COLQ: variants seen among roughly 807,000 people sequenced by gnomAD.
COLQ encodes the protein collagen like tail subunit of asymmetric acetylcholinesterase.
Under a neutral mutation model 69.0 loss-of-function variants are expected in COLQ, and 48 were observed. That is an observed-to-expected ratio of 0.70 (90% confidence interval 0.55 to 0.88). The LOEUF (loss-of-function observed/expected upper bound fraction) is 0.88, where lower values mean the gene tolerates loss of function less well. Ranked by LOEUF, COLQ falls within the 40% of genes least tolerant of loss-of-function variation. The probability of loss-of-function intolerance (pLI) is 0.00; values close to 1 mark genes in which losing one functional copy is unlikely to be tolerated. For missense variants in COLQ, 618 were observed against 594.6 expected (o/e 1.04, Z -0.41); for synonymous variants, 217 against 211.2 (o/e 1.03, Z -0.24).
At chr3:15,500,922 G>GTC (rs2062821273) in intron 1 of COLQ, among the ~76,000 whole-genome samples, 1 of 152,144 alleles carries the variant, frequency 6.6e-6, no homozygotes, top group Non-Finnish European at 1.5e-5. Flanking sequence ...TGTGGGTCTG[G>GTC]ATTTTTCTAG....
intron 1 of COLQ, among the ~76,000 whole-genome samples, chr3:15,507,090 C>T (rs953818170): frequency 1.3e-5 from 2 of 152,004 alleles, no homozygotes; most frequent in African/African-American, 4.8e-5. Flanking sequence ...TGTGAGCCAC[C>T]GTGCCACCCC....
intron 1 of COLQ, among the ~76,000 whole-genome samples, chr3:15,492,667 A>C (rs1257643007): frequency 1.7e-5 from 1 of 58,788 alleles, no homozygotes; most frequent in Non-Finnish European, 3.1e-5. Context: ...ACTCCGTCTC[A>C]AAAAAAAAAA....
At chr3:15,454,617 C>T (rs1370516948) in intron 15 of COLQ, among the ~76,000 whole-genome samples, 2 of 151,474 alleles carry the variant, frequency 1.3e-5, no homozygotes, top group Non-Finnish European at 2.9e-5. Context: ...CATCTCCCGC[C>T]ACCCACTCTG....
chr3:15,458,702 G>T (rs1274225937), intron 12 of COLQ, among the ~76,000 whole-genome samples: 11 of 152,194 alleles, frequency 7.2e-5, no homozygotes, highest in Non-Finnish European at 8.8e-5. Context: ...GCCAGCTACT[G>T]CCTGCCTCTG....
intron 3 of COLQ, among the ~76,000 whole-genome samples, chr3:15,486,176 G>GT (rs1427598234): frequency 6.6e-6 from 1 of 152,124 alleles, no homozygotes; most frequent in African/African-American, 2.4e-5. Flanking sequence ...TCTGTTTCTT[G>GT]AAGTGGACTA....
Position 15,477,374 on chromosome 3 carries a change from T to C in COLQ, c.394-177A>G, listed in dbSNP as rs1024824671. ...GACAAGCCCTTGGTGTCACACTGTA[T>C]CATCAAATAAGACCTTATTCTTCTC... On this transcript the variant is annotated intron_variant, in intron 5 of 16. Transcript: ENST00000383788. The C allele has an allele frequency of 8.0e-6, 5 of 624,290 alleles. No homozygotes were observed. In the Admixed American group the frequency reaches 1.4e-4, roughly 17 times the overall value. 38.7% of individuals were successfully genotyped at this position (624,290 alleles called of 1,614,324 possible).
At chr3:15,485,793 A>G (rs1418015339) in intron 3 of COLQ, among the ~76,000 whole-genome samples, 1 of 152,208 alleles carries the variant, frequency 6.6e-6, no homozygotes, top group Non-Finnish European at 1.5e-5. Context: ...CCCTGTCTCT[A>G]CAAAATATTA....
rs1376449893 is a variant in COLQ, at chr3:15,465,232, TTTGATTTATTTA to T, written c.814+1097_814+1108del. On this transcript the variant is annotated intron_variant, in intron 12 of 16. Transcript: ENST00000383788. ...CCCTTCTCAATAACAGACTTTATAT[TTTGATTTATTTA>T]TTTATTTATTTATTTATTTATTTAT... 3.7e-3 allele frequency among the ~76,000 whole-genome samples: 524 copies of T among 141,578 alleles called. 6 individuals are homozygous for T. The highest frequency in any genetic ancestry group is 8.0e-3 in the African/African-American group (304 of 37,824). The allele number at this position is 141,578 out of a possible 152,430, so 92.9% of individuals were successfully genotyped here.
chr3:15,518,404 T>C (rs187391069), intron 1 of COLQ, among the ~76,000 whole-genome samples: 3 of 152,350 alleles, frequency 2.0e-5, no homozygotes, highest in African/African-American at 7.2e-5. Flanking sequence ...TCACGGACTA[T>C]CTATGTCTAT....
intron 13 of COLQ, 70 bp from the exon 14 acceptor site, chr3:15,456,649 G>A: frequency 3.8e-6 from 6 of 1,598,712 alleles, no homozygotes; most frequent in South Asian, 2.2e-5. Context: ...AGCTGGAGGA[G>A]GAAACAGAAT....
At chr3:15,497,622 C>A (rs1363225688) in intron 1 of COLQ, among the ~76,000 whole-genome samples, 2 of 152,152 alleles carry the variant, frequency 1.3e-5, no homozygotes, top group Non-Finnish European at 2.9e-5. Context: ...ACCTGCCTGT[C>A]CAGTTGGTGG....
At chr3:15,519,291 C>T (rs1339913970) in intron 1 of COLQ, among the ~76,000 whole-genome samples, 2 of 152,204 alleles carry the variant, frequency 1.3e-5, no homozygotes, top group African/African-American at 4.8e-5. Context: ...TCTCTGCCCT[C>T]AGTGTTCCAG....
chr3:15,517,595 A>T (rs542885197), intron 1 of COLQ, among the ~76,000 whole-genome samples: 8 of 152,282 alleles, frequency 5.3e-5, no homozygotes, highest in Admixed American at 3.3e-4. Flanking sequence ...GCCAAACCCA[A>T]GCTAGATTAG....
intron 1 of COLQ, among the ~76,000 whole-genome samples, chr3:15,491,081 T>C (rs968969027): frequency 3.9e-5 from 6 of 152,184 alleles, no homozygotes; most frequent in East Asian, 3.8e-4. Context: ...GTGGGGGTTA[T>C]TGCAAATTTT....
chr3:15,510,113 T>C (rs955039981), intron 1 of COLQ, among the ~76,000 whole-genome samples: 2 of 151,964 alleles, frequency 1.3e-5, no homozygotes, highest in Non-Finnish European at 2.9e-5. Flanking sequence ...GAGGCAGAGC[T>C]TGCAGTGAGC....
intron 10 of COLQ, among the ~76,000 whole-genome samples, chr3:15,472,850 C>CTTCTT (rs565354594): frequency 3.3e-5 from 5 of 151,412 alleles, no homozygotes; most frequent in African/African-American, 7.3e-5. Context: ...TCACTTCTTT[C>CTTCTT]TTCTTTTCTT....
chr3:15,475,086 G>T, intron 7 of COLQ, 135 bp from the exon 8 acceptor site: 1 of 948,004 alleles, frequency 1.1e-6, no homozygotes, highest in Non-Finnish European at 1.7e-6. Context: ...TGGGGTTGCA[G>T]CACCAAACAC....
chr3:15,466,402 T>C lies in COLQ; in HGVS notation c.753A>G (p.Pro251=). Residue 251 remains proline (P), a synonymous_variant, in exon 12 of 17, where the codon CCA becomes CCG. Transcript: ENST00000383788. ...GTTGACCAGAAGGCCCAGGCTTGCCTGGTGGGCCCATAACTCCACTATCCC... is the reference window on the plus strand; with the variant it reads ...GTTGACCAGAAGGCCCAGGCTTGCCCGGTGGGCCCATAACTCCACTATCCC... The part of the protein sequence containing the change: ...QKGDSGVMGP[P]GKPGPSGQPG... 6.2e-7 allele frequency: 1 copy of C among 1,614,130 alleles called. No homozygotes were observed. The highest frequency in any genetic ancestry group is 8.5e-7 in the Non-Finnish European group (1 of 1,180,024).
At chr3:15,519,652 C>T (rs1021482975) in intron 1 of COLQ, among the ~76,000 whole-genome samples, 96 of 152,176 alleles carry the variant, frequency 6.3e-4, no homozygotes, top group African/African-American at 2.1e-3. Flanking sequence ...TTCATCTGAA[C>T]CACCTGAGTT....
Sources: allele counts gnomAD v4.1 joint callset (sites outside exome capture counted in the v4.1 genomes callset), GRCh38; gene constraint gnomAD v4.1.1; transcripts MANE v1.5; gene names NCBI Gene and HGNC (gene_info 2026-07-23, HGNC 2026-07-21).